EPHA6: variants seen among roughly 807,000 people sequenced by gnomAD.
EPHA6 encodes the protein ephrin type-A receptor 6.
Under a neutral mutation model 112.0 loss-of-function variants are expected in EPHA6, and 50 were observed. The observed-to-expected ratio is 0.45, with a 90% CI of 0.36 to 0.56. EPHA6 has a LOEUF of 0.56. Among genes scored for constraint, EPHA6 ranks in the 20% least tolerant of loss-of-function variants. The pLI is 0.00. For synonymous variants in EPHA6, 529 were observed against 490.7 expected, an observed-to-expected ratio of 1.08 and a Z score of -1.03; for missense variants, 1,280 against 1,417.4, an observed-to-expected ratio of 0.90 and a Z score of 1.56.
intron 3 of EPHA6, among the ~76,000 whole-genome samples, chr3:97,224,920 C>G (rs989274687): frequency 6.6e-6 from 1 of 151,506 alleles, no homozygotes; most frequent in African/African-American, 2.4e-5. Context: ...TAATTTTTGA[C>G]TGATTTTTTT....
At chr3:96,821,798 TTAAGA>T (rs1490415664) in intron 1 of EPHA6, among the ~76,000 whole-genome samples, 3 of 151,854 alleles carry the variant, frequency 2.0e-5, no homozygotes, top group African/African-American at 4.8e-5. Context: ...TATTTTAAAG[TTAAGA>T]TAATAAGTCA....
At chr3:97,475,317 C>A in intron 7 of EPHA6, 35 bp from the exon 8 acceptor site, 4 of 1,487,108 alleles carry the variant, frequency 2.7e-6, no homozygotes, top group Non-Finnish European at 3.7e-6. Context: ...TGAAATGTCA[C>A]CCAGGGAAAT....
intron 5 of EPHA6, among the ~76,000 whole-genome samples, chr3:97,384,026 C>G (rs1380002025): frequency 6.6e-6 from 1 of 152,074 alleles, no homozygotes; most frequent in African/African-American, 2.4e-5. Context: ...TATGGCATTT[C>G]AGTATGTAGA....
intron 13 of EPHA6, among the ~76,000 whole-genome samples, chr3:97,615,263 A>C (rs2093755747): frequency 6.6e-6 from 1 of 152,046 alleles, no homozygotes; most frequent in Non-Finnish European, 1.5e-5. Flanking sequence ...GCCCTTGCGA[A>C]CCCACTCCAC....
chr3:97,540,746 G>A (rs769716077), intron 11 of EPHA6, among the ~76,000 whole-genome samples: 62 of 152,018 alleles, frequency 4.1e-4, no homozygotes, highest in Non-Finnish European at 4.4e-5. Context: ...GAATATAAAT[G>A]CACTTTTATG....
intron 3 of EPHA6, among the ~76,000 whole-genome samples, chr3:97,161,188 T>C (rs1480358160): frequency 6.6e-6 from 1 of 152,154 alleles, no homozygotes; most frequent in Admixed American, 6.5e-5. Context: ...GCATGGTAAG[T>C]TGGTGGCCTG....
chr3:97,592,475 G>A (rs934298476), intron 11 of EPHA6, 137 bp from the exon 12 acceptor site: 5 of 942,404 alleles, frequency 5.3e-6, no homozygotes, highest in Non-Finnish European at 7.8e-6. Flanking sequence ...AGTAAAAAAT[G>A]CATTCCATCC....
At chr3:97,004,004 G>T (rs1339977175) in intron 3 of EPHA6, among the ~76,000 whole-genome samples, 1 of 152,038 alleles carries the variant, frequency 6.6e-6, no homozygotes, top group Non-Finnish European at 1.5e-5. Flanking sequence ...AGTATTCCAT[G>T]GTGTATATAG....
chr3:96,892,389 T>G (rs1319426210), intron 2 of EPHA6, among the ~76,000 whole-genome samples: 1 of 151,764 alleles, frequency 6.6e-6, no homozygotes, highest in Non-Finnish European at 1.5e-5. Flanking sequence ...CCTGGTTAAT[T>G]TTTTTGTACT....
intron 3 of EPHA6, among the ~76,000 whole-genome samples, chr3:97,078,745 T>C (rs751638630): frequency 6.6e-6 from 1 of 152,168 alleles, no homozygotes; most frequent in South Asian, 2.1e-4. Flanking sequence ...TTCTGCTCCA[T>C]TGGTCTATAT....
chr3:97,502,996 A>C (rs1278345334), intron 10 of EPHA6, among the ~76,000 whole-genome samples: 2 of 152,004 alleles, frequency 1.3e-5, no homozygotes, highest in Admixed American at 6.6e-5. Context: ...AAAACAAATC[A>C]AGAAAAATAT....
At chr3:97,506,784 G>T (rs2092262057) in intron 10 of EPHA6, among the ~76,000 whole-genome samples, 1 of 152,156 alleles carries the variant, frequency 6.6e-6, no homozygotes, top group African/African-American at 2.4e-5. Flanking sequence ...TCACGATATT[G>T]ATTCTTCCTA....
rs952371952 is a variant in EPHA6, at chr3:97,117,505, A to G, written c.1115-108759A>G. On this transcript the variant is annotated intron_variant, in intron 3 of 17. Transcript: ENST00000389672. ...AGTCGATATTTGTATATTGAGTGATATAAGTGACTAATTTCATTCTTCTGC... is the reference window on the plus strand; with the variant it reads ...AGTCGATATTTGTATATTGAGTGATGTAAGTGACTAATTTCATTCTTCTGC... Among the ~76,000 whole-genome samples, 13 of 151,778 alleles carry G rather than the reference A, an allele frequency of 8.6e-5. No homozygotes were observed. The South Asian group carries it at 1.0e-3, about 12-fold the overall frequency.
chr3:97,538,625 G>A (rs2092795358), intron 11 of EPHA6, among the ~76,000 whole-genome samples: 1 of 152,180 alleles, frequency 6.6e-6, no homozygotes, highest in Non-Finnish European at 1.5e-5. Flanking sequence ...CTGAAGAAGA[G>A]AAGTGTATGA....
At position 96,989,177 on chromosome 3, in the gene EPHA6, T is replaced by C. The variant is rs147915990; in HGVS notation, c.1114+1184T>C. 8.5e-5 allele frequency among the ~76,000 whole-genome samples: 13 copies of C among 152,240 alleles called. 2 individuals carry two copies. The highest frequency in any genetic ancestry group is 2.9e-4 in the African/African-American group (12 of 41,562). ...GATGAGAATAAATAAGAAAAACATC[T>C]GTATGCATATAATGGTCATGGATAA... On this transcript the variant is annotated intron_variant, in intron 3 of 17. Transcript: ENST00000389672.
chr3:97,720,919 T>C (rs899784694), intron 15 of EPHA6, among the ~76,000 whole-genome samples: 5 of 152,198 alleles, frequency 3.3e-5, no homozygotes, highest in Non-Finnish European at 5.9e-5. Flanking sequence ...ATTTTATCTA[T>C]AAAACTACCT....
intron 10 of EPHA6, among the ~76,000 whole-genome samples, chr3:97,515,621 G>T (rs1392536597): frequency 6.6e-6 from 1 of 152,106 alleles, no homozygotes; most frequent in African/African-American, 2.4e-5. Flanking sequence ...GAGGCCATCT[G>T]GTAGAGACTG....
intron 3 of EPHA6, among the ~76,000 whole-genome samples, chr3:97,014,356 C>T (rs1343808919): frequency 2.0e-5 from 3 of 150,266 alleles, no homozygotes; most frequent in African/African-American, 7.3e-5. Flanking sequence ...CTACCTCTCT[C>T]CCTCCCTCCC....
intron 5 of EPHA6, among the ~76,000 whole-genome samples, chr3:97,333,984 C>G (rs2082931906): frequency 1.3e-5 from 2 of 152,086 alleles, no homozygotes; most frequent in African/African-American, 4.8e-5. Context: ...TCTCTCCATT[C>G]CTAACTTGCT....
Sources: gnomAD v4.1 joint callset for allele counts (sites outside exome capture counted in the v4.1 genomes callset) on GRCh38, gnomAD v4.1.1 for gene constraint, MANE v1.5 for transcripts, NCBI Gene and HGNC (gene_info 2026-07-23, HGNC 2026-07-21) for gene names.